The following METTL4 variants were observed in gnomAD, a reference collection of about 807,000 sequenced individuals.
METTL4 encodes the protein methyltransferase 4, N6-adenosine, also known as N(6)-adenine-specific methyltransferase METTL4.
A neutral mutation model predicts 54.0 loss-of-function variants in METTL4; 40 were observed. The ratio of observed to expected loss-of-function variants is 0.74; its 90% CI spans 0.58 to 0.96. The LOEUF (loss-of-function observed/expected upper bound fraction) is 0.96, where lower values mean the gene tolerates loss of function less well. METTL4 is among the 50% of genes least tolerant of loss of function. The pLI, the probability that METTL4 is intolerant of heterozygous loss-of-function variation, is 0.00. For missense variants in METTL4, 525 were observed against 549.0 expected, an observed-to-expected ratio of 0.96 and a Z score of 0.44; for synonymous variants, 169 against 183.8, an observed-to-expected ratio of 0.92 and a Z score of 0.65.
Position 2,538,277 on chromosome 18 carries a change from G to A in METTL4, c.*723C>T, listed in dbSNP as rs757948301. Reference sequence around the variant, plus strand: ...AGAAAAACAAGCAAAACCAGAAAGTGCTTGGAAAGTGACCTTGAATGCAAT... The same window carrying A: ...AGAAAAACAAGCAAAACCAGAAAGTACTTGGAAAGTGACCTTGAATGCAAT... On this transcript the variant is annotated 3_prime_UTR_variant, in exon 9 of 9. Coordinates refer to ENST00000574538, the MANE Select transcript of METTL4 (RefSeq NM_022840.5). 13 of 204,032 alleles carry A rather than the reference G, an allele frequency of 6.4e-5. No individual in the cohort carries two copies. The highest frequency in any genetic ancestry group is 1.8e-3 in the Middle Eastern group (1 of 562). The allele number at this position is 204,032 out of a possible 1,614,324, so 12.6% of individuals were successfully genotyped here. A position where few individuals can be genotyped will look rare whatever the true frequency, so the allele number is the denominator to read the frequency against.
chr18:2,543,187 T>C (rs2072020417), intron 8 of METTL4, among the ~76,000 whole-genome samples: 1 of 151,896 alleles, frequency 6.6e-6, no homozygotes, highest in Non-Finnish European at 1.5e-5. Context: ...TCCTAAGTGC[T>C]AGCAATAAAA....
At chr18:2,540,601 T>A (rs1205252814) in intron 8 of METTL4, 69 of 985,270 alleles carry the variant, frequency 7.0e-5, no homozygotes, top group Non-Finnish European at 7.7e-5. Flanking sequence ...CTTTGATGGG[T>A]TCTAGGAGAT....
chr18:2,559,592 A>G (rs2072286472), intron 3 of METTL4, among the ~76,000 whole-genome samples: 1 of 152,244 alleles, frequency 6.6e-6, no homozygotes, highest in African/African-American at 2.4e-5. Flanking sequence ...TATTTTACCT[A>G]TTTAAAAAAA....
In METTL4 at chr18:2,554,655, C is replaced by A; in HGVS notation, c.829+14G>T. 6.3e-7 allele frequency: 1 copy of A among 1,581,492 alleles called. No homozygotes were observed. Among genetic ancestry groups the A allele is most frequent in the South Asian group, 1.2e-5 (1 of 85,886 alleles). Reference sequence around the variant, plus strand: ...AATTATCTTTTTCTAATAACAAACACAATAATTACTTACAGTTTAGAAGTG... The same window carrying A: ...AATTATCTTTTTCTAATAACAAACAAAATAATTACTTACAGTTTAGAAGTG... On this transcript the variant is annotated intron_variant, in intron 4 of 8. Coordinates refer to ENST00000574538, the MANE Select transcript of METTL4 (RefSeq NM_022840.5).
At position 2,571,502 on chromosome 18, in the gene METTL4, A is replaced by G. The variant is rs1189911605; in HGVS notation, c.-792T>C. 1 of 152,258 alleles carries G rather than the reference A, an allele frequency of 6.6e-6. No individual in the cohort carries two copies. The highest frequency in any genetic ancestry group is 2.4e-5 in the African/African-American group (1 of 41,472). 9.4% of individuals were successfully genotyped at this position (152,258 alleles called of 1,614,324 possible). A position where few individuals can be genotyped will look rare whatever the true frequency, so the allele number is the denominator to read the frequency against. On this transcript the variant is annotated 5_prime_UTR_variant, in exon 1 of 9. An upstream start codon of the reference 5' UTR is lost. Transcript: ENST00000574538. ...AGCCTTCCAGCGACGAGGCGGTCGCATGGAAGTTACTGCGCGCGTCGTGCG... is the reference window on the plus strand; with the variant it reads ...AGCCTTCCAGCGACGAGGCGGTCGCGTGGAAGTTACTGCGCGCGTCGTGCG...
At chr18:2,562,994 A>G (rs2072345101) in intron 3 of METTL4, among the ~76,000 whole-genome samples, 1 of 152,176 alleles carries the variant, frequency 6.6e-6, no homozygotes, top group Admixed American at 6.5e-5. Flanking sequence ...TTAATTCAAC[A>G]AGACCGAATT....
At chr18:2,553,035 T>C (rs1406454009) in intron 4 of METTL4, 1 of 303,332 alleles carries the variant, frequency 3.3e-6, no homozygotes, top group African/African-American at 2.2e-5. Flanking sequence ...AGCTGAACAC[T>C]AATGATCTGT....
chr18:2,560,328 G>C (rs964512136), intron 3 of METTL4, among the ~76,000 whole-genome samples: 1 of 152,046 alleles, frequency 6.6e-6, no homozygotes, highest in African/African-American at 2.4e-5. Flanking sequence ...ACACTGAGAT[G>C]GTTACAAAGT....
In METTL4 at chr18:2,567,005, G is replaced by A. The variant is rs757000703; in HGVS notation, c.212C>T (p.Pro71Leu). The A allele has an allele frequency of 3.1e-6, 5 of 1,613,972 alleles. No individual in the cohort carries two copies. Among genetic ancestry groups the A allele is most frequent in the South Asian group, 2.2e-5 (2 of 91,078 alleles). Residue 71 changes from proline (P) to leucine (L), a missense_variant, in exon 2 of 9, where the codon CCA (proline) becomes CTA (leucine). Transcript: ENST00000574538. ...ATAATTTCCTCCATCATCATTCTCT[G>A]GCTTAGTGGAAGAGTCAGAAGCAAT... ...AFIASDSSTK[P>L]ENDDGGNYEM...
intron 3 of METTL4, among the ~76,000 whole-genome samples, chr18:2,563,420 C>T (rs928278999): frequency 2.0e-5 from 3 of 151,834 alleles, no homozygotes; most frequent in Non-Finnish European, 4.4e-5. Context: ...TGGTGAAACA[C>T]CATCTCTACT....
intron 6 of METTL4, among the ~76,000 whole-genome samples, chr18:2,546,299 C>T (rs1355432365): frequency 6.6e-6 from 1 of 152,078 alleles, no homozygotes; most frequent in Non-Finnish European, 1.5e-5. Flanking sequence ...AGAGAGACCA[C>T]ATTCACATAA....
chr18:2,546,068 C>T (rs1286912623), intron 6 of METTL4, among the ~76,000 whole-genome samples: 2 of 152,068 alleles, frequency 1.3e-5, no homozygotes, highest in Non-Finnish European at 2.9e-5. Context: ...GTAGTATACT[C>T]CTATCACGGT....
In METTL4 at chr18:2,538,093, A is replaced by G; in HGVS notation, c.*907T>C. 4 of 395,682 alleles carry G rather than the reference A, an allele frequency of 1.0e-5. No individual in the cohort carries two copies. Among genetic ancestry groups the G allele is most frequent in the Non-Finnish European group, 1.8e-5 (4 of 224,734 alleles). 24.5% of individuals were successfully genotyped at this position (395,682 alleles called of 1,614,324 possible). On this transcript the variant is annotated 3_prime_UTR_variant, in exon 9 of 9. Transcript: ENST00000574538. ...TCAATTTTTAAAAAGTCAATACATAATAAATCAATATGCATTTCAAAGAAT... is the reference window on the plus strand; with the variant it reads ...TCAATTTTTAAAAAGTCAATACATAGTAAATCAATATGCATTTCAAAGAAT...
chr18:2,547,939 C>G (rs1027082591), intron 5 of METTL4, among the ~76,000 whole-genome samples: 1 of 152,180 alleles, frequency 6.6e-6, no homozygotes, highest in Non-Finnish European at 1.5e-5. Context: ...CAAGCCTTAC[C>G]TGGCACCAAA....
chr18:2,555,355 G>A (rs2072224129), intron 3 of METTL4: 3 of 286,618 alleles, frequency 1.0e-5, no homozygotes, highest in East Asian at 1.0e-4. Context: ...TAATCTATAG[G>A]GATTGCATGA....
intron 1 of METTL4, among the ~76,000 whole-genome samples, chr18:2,570,010 G>A (rs959777609): frequency 3.9e-5 from 6 of 152,172 alleles, no homozygotes; most frequent in African/African-American, 7.2e-5. Context: ...CAGACACCCC[G>A]GCTGTCAGGG....
chr18:2,541,231 TATTA>T (rs1280919431), intron 8 of METTL4, among the ~76,000 whole-genome samples: 1 of 152,232 alleles, frequency 6.6e-6, no homozygotes, highest in Non-Finnish European at 1.5e-5. Flanking sequence ...GGTTTTTAAA[TATTA>T]ATTTAAAAAT....
chr18:2,549,130 C>T (rs897683716), intron 5 of METTL4, among the ~76,000 whole-genome samples: 1 of 152,220 alleles, frequency 6.6e-6, no homozygotes, highest in Non-Finnish European at 1.5e-5. Context: ...CTACCCAACC[C>T]TAACCCCTCT....
chr18:2,557,763 G>GC (rs765501266), intron 3 of METTL4, among the ~76,000 whole-genome samples: 65 of 152,312 alleles, frequency 4.3e-4, no homozygotes, highest in Non-Finnish European at 6.8e-4. Context: ...TGAGCATAAA[G>GC]CACATGCTGT....
Sources: allele counts gnomAD v4.1 joint callset (sites outside exome capture counted in the v4.1 genomes callset), GRCh38; gene constraint gnomAD v4.1.1; transcripts MANE v1.5; gene names NCBI Gene and HGNC (gene_info 2026-07-23, HGNC 2026-07-21).